Variants in IQCE observed in about 807,000 individuals in gnomAD.
IQCE encodes IQ motif containing E, also known as IQ domain-containing protein E.
A neutral mutation model predicts 96.0 loss-of-function variants in IQCE; 115 were observed. That is an observed-to-expected ratio of 1.20 (90% CI 1.03 to 1.40). The LOEUF (loss-of-function observed/expected upper bound fraction) is 1.40. Among genes scored for constraint, IQCE ranks in the 40% most tolerant of loss-of-function variants. The pLI is 0.00. For synonymous variants in IQCE, 412 were observed against 371.2 expected (o/e 1.11, Z -1.26); for missense variants, 1,041 against 909.1 (o/e 1.15, Z -1.87).
intron 14 of IQCE, among the ~76,000 whole-genome samples, chr7:2,590,762 C>T (rs956961673): frequency 6.6e-6 from 1 of 152,172 alleles, no homozygotes; most frequent in Non-Finnish European, 1.5e-5. Context: ...GAGACCTCAA[C>T]TCAAAAGTGT....
intron 6 of IQCE, among the ~76,000 whole-genome samples, chr7:2,574,120 G>A (rs116386631): frequency 0.025 from 3,801 of 152,292 alleles, 164 homozygotes; most frequent in African/African-American, 0.086. Flanking sequence ...CACCAGCACC[G>A]TGACCATCAC....
chr7:2,589,797 G>C, intron 13 of IQCE, 110 bp from the exon 14 acceptor site: 1 of 1,034,098 alleles, frequency 9.7e-7, no homozygotes. Flanking sequence ...GCTTTCTCAT[G>C]GCCCTGCTGG....
intron 14 of IQCE, among the ~76,000 whole-genome samples, chr7:2,592,455 C>G (rs1002806927): frequency 6.6e-6 from 1 of 152,200 alleles, no homozygotes; most frequent in Non-Finnish European, 1.5e-5. Flanking sequence ...GCGAAGCACT[C>G]TAGGGTTGCT....
chr7:2,604,861 C>T lies in IQCE; in HGVS notation c.1633-20C>T, dbSNP rs573590474. 1.2e-6 allele frequency: 2 copies of T among 1,601,336 alleles called. No individual in the cohort carries two copies. Among genetic ancestry groups the T allele is most frequent in the East Asian group, 2.2e-5 (1 of 44,736 alleles). Reference sequence around the variant, plus strand: ...GGGCACTCACACCCACTTTTCTCTCCCTGCTTCCTTCCCTGACAGGCGGCT... The same window carrying T: ...GGGCACTCACACCCACTTTTCTCTCTCTGCTTCCTTCCCTGACAGGCGGCT... On this transcript the variant is annotated intron_variant, in intron 18 of 21. Coordinates refer to ENST00000402050, the MANE Select transcript of IQCE (RefSeq NM_152558.5).
Position 2,604,942 on chromosome 7 carries a change from G to C in IQCE, c.1694G>C (p.Ser565Thr), listed in dbSNP as rs1562681842. 19 of 1,613,728 alleles carry C rather than the reference G, an allele frequency of 1.2e-5. No homozygotes were observed. The highest frequency in any genetic ancestry group is 1.6e-5 in the Non-Finnish European group (19 of 1,179,982). The stretch of plus-strand genomic sequence containing the variant: ...CTCACGCGGACAAAGCTCTTAGCAA[G>C]CAAAGCACATGGCTCAGAGCCACCC... ...GHLTRTKLLASKAHGSEPPSV... is the reference protein window; with the variant it reads ...GHLTRTKLLATKAHGSEPPSV... Residue 565 changes from serine to threonine, a missense_variant, in exon 19 of 22, where the codon AGC becomes ACC. By Grantham distance (58) the Ser-to-Thr change is moderately conservative (BLOSUM62 1). Coordinates refer to ENST00000402050, the MANE Select transcript of IQCE (RefSeq NM_152558.5).
intron 2 of IQCE, among the ~76,000 whole-genome samples, chr7:2,567,731 C>T (rs1040019985): frequency 6.6e-6 from 1 of 152,238 alleles, no homozygotes; most frequent in Non-Finnish European, 1.5e-5. Flanking sequence ...ACTGGAGACG[C>T]AGATCTAGCA....
Position 2,607,161 on chromosome 7 carries a change from A to G in IQCE, c.1903A>G (p.Arg635Gly). The G allele has an allele frequency of 6.2e-7, 1 of 1,612,016 alleles. No individual in the cohort carries two copies. Among genetic ancestry groups the G allele is most frequent in the Non-Finnish European group, 8.5e-7 (1 of 1,179,258 alleles). Reference protein sequence around the residue: ...GKRTTTAASTRRRSASATHGD... With the variant: ...GKRTTTAASTGRRSASATHGD... ...AAGAACCACCACCGCAGCTTCTACC[A>G]GGAGGAGATCGGCTTCAGCCACACA... is the stretch of plus-strand genomic sequence containing the variant. The change falls in exon 21 of 22, where the codon AGG becomes GGG. Residue 635 changes from arginine to glycine, a missense_variant. By Grantham distance (125) the Arg-to-Gly change is moderately radical. Coordinates refer to ENST00000402050, the MANE Select transcript of IQCE (RefSeq NM_152558.5).
chr7:2,572,510 G>A (rs2128438267), intron 5 of IQCE, among the ~76,000 whole-genome samples, 184 bp downstream of exon 5: 1 of 152,334 alleles, frequency 6.6e-6, no homozygotes, highest in East Asian at 1.9e-4. Context: ...AAACCCGCCT[G>A]CCCCAGAAGG....
intron 10 of IQCE, 26 bp downstream of exon 10, chr7:2,583,735 G>C (rs748257773): frequency 1.3e-5 from 17 of 1,276,280 alleles, no homozygotes; most frequent in Non-Finnish European, 1.8e-5. Flanking sequence ...CGGCGGAGCG[G>C]AGGGCGGGCA....
intron 13 of IQCE, among the ~76,000 whole-genome samples, chr7:2,588,816 C>T (rs1783348200): frequency 6.6e-6 from 1 of 151,814 alleles, no homozygotes; most frequent in South Asian, 2.1e-4. Flanking sequence ...CAGGTGCCCA[C>T]CACCACGCCC....
chr7:2,584,602 A>G (rs1782954500), intron 11 of IQCE: 2 of 301,868 alleles, frequency 6.6e-6, no homozygotes, highest in Admixed American at 9.4e-5. Flanking sequence ...TTTTAGGAAG[A>G]CATTGCACAC....
At chr7:2,570,304 C>T (rs1322316730) in intron 3 of IQCE, among the ~76,000 whole-genome samples, 1 of 152,120 alleles carries the variant, frequency 6.6e-6, no homozygotes, top group Non-Finnish European at 1.5e-5. Flanking sequence ...TTTATCCCCG[C>T]TTTCATGCTT....
chr7:2,582,335 G>T (rs1207659234), intron 8 of IQCE, among the ~76,000 whole-genome samples: 1 of 152,194 alleles, frequency 6.6e-6, no homozygotes, highest in Admixed American at 6.5e-5. Flanking sequence ...CGGTCAGTGT[G>T]CCCACGATGG....
At chr7:2,569,219 C>T (rs544883965) in intron 3 of IQCE, among the ~76,000 whole-genome samples, 9 of 152,228 alleles carry the variant, frequency 5.9e-5, no homozygotes, top group African/African-American at 2.2e-4. Context: ...CCTGTTGGTG[C>T]CAGAGTGACG....
In IQCE at chr7:2,611,139, T is replaced by TGGGCC. The variant is rs543698789; in HGVS notation, c.*982_*986dup. 9.5e-5 allele frequency: 13 copies of TGGGCC among 137,242 alleles called. No individual in the cohort carries two copies. Among genetic ancestry groups the TGGGCC allele is most frequent in the African/African-American group, 3.5e-4 (12 of 34,394 alleles). 8.5% of individuals were successfully genotyped at this position (137,242 alleles called of 1,614,324 possible). A position where few individuals can be genotyped will look rare whatever the true frequency, so the allele number is the denominator to read the frequency against. On this transcript the variant is annotated 3_prime_UTR_variant, in exon 22 of 22. Transcript: ENST00000402050. ...TGGGCTGGGCTGGGCTGGGCTGGGC[T>TGGGCC]GGGCCGGGCGTGCGGAGCCTGTGGA...
chr7:2,583,280 A>T (rs1213836574), intron 9 of IQCE, among the ~76,000 whole-genome samples: 2 of 152,302 alleles, frequency 1.3e-5, no homozygotes, highest in Middle Eastern at 3.4e-3. Context: ...AAAACCATCC[A>T]TTCAAAGACG....
intron 1 of IQCE, among the ~76,000 whole-genome samples, chr7:2,562,855 CTT>C (rs558901415): frequency 7.1e-6 from 1 of 141,784 alleles, no homozygotes; most frequent in Admixed American, 7.0e-5. Context: ...ATCTTTCTTT[CTT>C]TTTTTTTTTT....
intron 3 of IQCE, among the ~76,000 whole-genome samples, chr7:2,571,191 A>T (rs1781728212): frequency 6.6e-6 from 1 of 151,974 alleles, no homozygotes; most frequent in African/African-American, 2.4e-5. Context: ...GCTAATTTTT[A>T]GATTTTTTAT....
intron 8 of IQCE, among the ~76,000 whole-genome samples, chr7:2,582,366 C>T (rs1550205): frequency 0.18 from 27,075 of 152,152 alleles, 2,671 homozygotes; most frequent in East Asian, 0.33. Context: ...CTGCTCCAGC[C>T]GGTGTCGCAC....
Sources: allele counts gnomAD v4.1 joint callset (sites outside exome capture counted in the v4.1 genomes callset), GRCh38; gene constraint gnomAD v4.1.1; transcripts MANE v1.5; gene names NCBI Gene and HGNC (gene_info 2026-07-23, HGNC 2026-07-21).